The following RBPMS variants were observed in gnomAD, a reference collection of about 807,000 sequenced individuals.
The protein encoded by RBPMS is RNA binding protein, mRNA processing factor, also known as RNA-binding protein with multiple splicing.
Under a neutral mutation model 26.8 loss-of-function variants are expected in RBPMS, and 7 were observed. That is an observed-to-expected ratio of 0.26 (90% CI 0.15 to 0.49). The LOEUF is 0.49. Among genes scored for constraint, RBPMS ranks in the 20% least tolerant of loss-of-function variants. RBPMS has a pLI of 0.98. For missense variants in RBPMS, 186 were observed against 250.0 expected (o/e 0.74, Z 1.73); for synonymous variants, 96 against 93.3 (o/e 1.03, Z -0.17).
chr8:30,555,631 G>A (rs1310583850), intron 6 of RBPMS, among the ~76,000 whole-genome samples: 1 of 152,232 alleles, frequency 6.6e-6, no homozygotes, highest in African/African-American at 2.4e-5. Flanking sequence ...AGAAATGTGA[G>A]GGGCCGCTGC....
intron 5 of RBPMS, among the ~76,000 whole-genome samples, chr8:30,519,715 G>T (rs756290146): frequency 2.0e-5 from 3 of 151,722 alleles, no homozygotes; most frequent in Non-Finnish European, 1.5e-5. Flanking sequence ...CTATTGTCTC[G>T]ATCTCCTGAC....
chr8:30,506,936 G>A (rs915461975), intron 5 of RBPMS, among the ~76,000 whole-genome samples: 4 of 152,192 alleles, frequency 2.6e-5, no homozygotes, highest in African/African-American at 9.7e-5. Flanking sequence ...GAAATTGGTT[G>A]CTGCCTTAAA....
chr8:30,543,981 G>A (rs190287573), intron 5 of RBPMS, among the ~76,000 whole-genome samples: 30 of 152,310 alleles, frequency 2.0e-4, no homozygotes, highest in Non-Finnish European at 4.0e-4. Context: ...TGAGGGCTAC[G>A]TGGAAAATGC....
chr8:30,567,238 C>T (rs1285538818), intron 8 of RBPMS, among the ~76,000 whole-genome samples: 2 of 152,138 alleles, frequency 1.3e-5, no homozygotes, highest in East Asian at 1.9e-4. Context: ...GAGGTGGGGT[C>T]GCATTTGAGG....
intron 6 of RBPMS, chr8:30,553,768 T>C (rs764694272): frequency 1.3e-5 from 2 of 152,192 alleles, no homozygotes; most frequent in Non-Finnish European, 2.9e-5. Context: ...TTCAAGCTAC[T>C]GTGGGTTTTG....
At chr8:30,502,139 C>T (rs1009980259) in intron 4 of RBPMS, among the ~76,000 whole-genome samples, 20 of 132,038 alleles carry the variant, frequency 1.5e-4, no homozygotes, top group African/African-American at 3.7e-4. Context: ...AACTTCTGAG[C>T]TTTTTTTTTT....
At chr8:30,463,287 A>C (rs569091552) in intron 1 of RBPMS, among the ~76,000 whole-genome samples, 1 of 152,208 alleles carries the variant, frequency 6.6e-6, no homozygotes, top group African/African-American at 2.4e-5. Context: ...GTTATTTAGG[A>C]GCAGCTTGGC....
chr8:30,529,948 T>A (rs1824035999), intron 5 of RBPMS, among the ~76,000 whole-genome samples: 1 of 152,086 alleles, frequency 6.6e-6, no homozygotes, highest in East Asian at 1.9e-4. Flanking sequence ...AGAGACAGGG[T>A]TTCACCGTGT....
Position 30,566,360 on chromosome 8 carries a change from G to T in RBPMS, c.*111G>T. 1 of 841,332 alleles carries T rather than the reference G, an allele frequency of 1.2e-6. No homozygotes were observed. The highest frequency in any genetic ancestry group is 1.3e-6 in the Non-Finnish European group (1 of 746,368). The allele number at this position is 841,332 out of a possible 1,614,324, so 52.1% of individuals were successfully genotyped here. A position where few individuals can be genotyped will look rare whatever the true frequency, so the allele number is the denominator to read the frequency against. ...CTGTTCTACAAAACTGGAGCATGCT[G>T]GTGAGTAACAGTCAGGGCTGAACAA... On this transcript the variant is annotated splice_region_variant and 3_prime_UTR_variant, in exon 8 of 9. Coordinates refer to ENST00000397323, the MANE Select transcript of RBPMS (RefSeq NM_001008710.3).
intron 5 of RBPMS, among the ~76,000 whole-genome samples, chr8:30,518,592 T>C (rs1822605350): frequency 6.6e-6 from 1 of 150,988 alleles, no homozygotes; most frequent in South Asian, 2.1e-4. Context: ...CGCCCAGCTA[T>C]TTTTTTTGTA....
chr8:30,530,616 C>T (rs553052122), intron 5 of RBPMS, among the ~76,000 whole-genome samples: 3 of 152,224 alleles, frequency 2.0e-5, no homozygotes, highest in African/African-American at 7.2e-5. Context: ...GCACGTGCCA[C>T]CACACCCAGC....
intron 4 of RBPMS, among the ~76,000 whole-genome samples, chr8:30,500,518 A>T (rs893205375): frequency 5.3e-5 from 8 of 152,164 alleles, no homozygotes; most frequent in South Asian, 2.1e-4. Context: ...CAACACTGGG[A>T]GCCTGAAGCT....
intron 4 of RBPMS, among the ~76,000 whole-genome samples, chr8:30,484,059 G>A (rs1177997194): frequency 2.6e-5 from 4 of 152,220 alleles, no homozygotes; most frequent in Non-Finnish European, 1.5e-5. Flanking sequence ...GAACACTGAT[G>A]TGTAAGTATC....
chr8:30,443,478 C>T (rs1813361705), intron 1 of RBPMS, among the ~76,000 whole-genome samples: 1 of 152,124 alleles, frequency 6.6e-6, no homozygotes, highest in Non-Finnish European at 1.5e-5. Flanking sequence ...TCCTTAGCTG[C>T]AAAATAGCTC....
chr8:30,548,871 C>A (rs1826067479), intron 6 of RBPMS, among the ~76,000 whole-genome samples: 1 of 152,112 alleles, frequency 6.6e-6, no homozygotes, highest in South Asian at 2.1e-4. Flanking sequence ...ATCACTATGC[C>A]CTGTAGGAAA....
chr8:30,480,175 A>T (rs1039059340), intron 4 of RBPMS, among the ~76,000 whole-genome samples: 3 of 152,206 alleles, frequency 2.0e-5, no homozygotes, highest in African/African-American at 7.2e-5. Flanking sequence ...GTGGCTGTGA[A>T]CAAGTGCTGA....
At chr8:30,428,097 C>T (rs529652368) in intron 1 of RBPMS, among the ~76,000 whole-genome samples, 1 of 145,432 alleles carries the variant, frequency 6.9e-6, no homozygotes, top group South Asian at 2.2e-4. Flanking sequence ...GATCTTGGCT[C>T]TCTGCAACCT....
chr8:30,389,827 A>G (rs1029426982), intron 1 of RBPMS, among the ~76,000 whole-genome samples: 3 of 152,126 alleles, frequency 2.0e-5, no homozygotes, highest in Non-Finnish European at 2.9e-5. Context: ...TTTATTATGT[A>G]TTATACATAT....
chr8:30,569,242 T>G (rs959513855), intron 8 of RBPMS, among the ~76,000 whole-genome samples: 1 of 152,164 alleles, frequency 6.6e-6, no homozygotes, highest in Non-Finnish European at 1.5e-5. Flanking sequence ...CACTCCTGTT[T>G]TGTGTGTCCT....
Sources: allele counts gnomAD v4.1 joint callset (sites outside exome capture counted in the v4.1 genomes callset), GRCh38; gene constraint gnomAD v4.1.1; transcripts MANE v1.5; gene names NCBI Gene and HGNC (gene_info 2026-07-23, HGNC 2026-07-21).